Variants in THSD7B observed in about 807,000 individuals in gnomAD.
THSD7B encodes thrombospondin type 1 domain containing 7B.
A neutral mutation model predicts 213.6 loss-of-function variants in THSD7B; 138 were observed. The ratio of observed to expected loss-of-function variants is 0.65; its 90% CI spans 0.56 to 0.74. The LOEUF (loss-of-function observed/expected upper bound fraction) is 0.74. Ranked by LOEUF, THSD7B falls within the 30% of genes least tolerant of loss-of-function variation. THSD7B has a pLI of 0.00. For missense variants in THSD7B, 1,931 were observed against 1,991.5 expected (o/e 0.97, Z 0.58); for synonymous variants, 742 against 687.0 (o/e 1.08, Z -1.25).
At chr2:137,074,909 T>C (rs1011133438) in intron 3 of THSD7B, among the ~76,000 whole-genome samples, 21 of 152,242 alleles carry the variant, frequency 1.4e-4, no homozygotes, top group African/African-American at 4.8e-4. Flanking sequence ...TGTTAAATAT[T>C]GGCCCCCACT....
chr2:137,430,815 A>G lies in THSD7B; in HGVS notation c.2959+18943A>G, dbSNP rs1175775808. Among the ~76,000 whole-genome samples, 5 of 152,280 alleles carry G rather than the reference A, an allele frequency of 3.3e-5. No individual in the cohort carries two copies. The East Asian group carries it at 9.7e-4, about 29-fold the overall frequency. ...GAGTGTGAGACAAGTCAGCAACCAT[A>G]GGGATGGGGAGGGAAGACACTGACC... On this transcript the variant is annotated intron_variant, in intron 14 of 27. Coordinates refer to ENST00000409968, the MANE Select transcript of THSD7B (RefSeq NM_001316349.2).
At chr2:137,223,491 C>A (rs1050059035) in intron 7 of THSD7B, among the ~76,000 whole-genome samples, 3 of 152,052 alleles carry the variant, frequency 2.0e-5, no homozygotes, top group African/African-American at 4.8e-5. Flanking sequence ...TTTTACCATC[C>A]AGTGCTAAGT....
At chr2:137,169,402 G>T (rs1481768073) in intron 6 of THSD7B, among the ~76,000 whole-genome samples, 1 of 151,494 alleles carries the variant, frequency 6.6e-6, no homozygotes, top group African/African-American at 2.4e-5. Flanking sequence ...TTTAAGAGAG[G>T]TTGGTCTTTC....
intron 1 of THSD7B, among the ~76,000 whole-genome samples, chr2:136,869,802 G>A (rs1407790966): frequency 1.3e-5 from 2 of 152,188 alleles, no homozygotes; most frequent in South Asian, 2.1e-4. Context: ...GGCTGGGCAC[G>A]GTGGCTCACG....
intron 14 of THSD7B, among the ~76,000 whole-genome samples, chr2:137,425,472 C>T (rs1573618332): frequency 6.6e-6 from 1 of 152,174 alleles, no homozygotes; most frequent in African/African-American, 2.4e-5. Context: ...CCACCTCAGC[C>T]TCCCAAAGTG....
chr2:137,304,508 A>C (rs989145817), intron 12 of THSD7B, among the ~76,000 whole-genome samples: 10 of 152,128 alleles, frequency 6.6e-5, no homozygotes, highest in Non-Finnish European at 1.2e-4. Context: ...TTAGTGAAAA[A>C]AGACTTTTAA....
intron 17 of THSD7B, among the ~76,000 whole-genome samples, chr2:137,594,892 A>C (rs1262285093): frequency 6.6e-6 from 1 of 151,952 alleles, no homozygotes; most frequent in African/African-American, 2.4e-5. Context: ...TATTTCAACA[A>C]TGTTTGATAG....
chr2:136,880,470 C>G (rs1683600053), intron 1 of THSD7B, among the ~76,000 whole-genome samples: 1 of 152,152 alleles, frequency 6.6e-6, no homozygotes. Context: ...CTTCACTCCA[C>G]TACAGTTTTC....
At chr2:137,210,482 C>T (rs1189949185) in intron 7 of THSD7B, among the ~76,000 whole-genome samples, 2 of 151,982 alleles carry the variant, frequency 1.3e-5, no homozygotes, top group South Asian at 2.1e-4. Flanking sequence ...TTGAAGTATT[C>T]GTTCTTACAG....
chr2:137,084,535 A>T (rs1235275557), intron 3 of THSD7B, among the ~76,000 whole-genome samples: 2 of 152,160 alleles, frequency 1.3e-5, no homozygotes, highest in Non-Finnish European at 2.9e-5. Context: ...TCTTCTTTGC[A>T]GTATATTTGA....
chr2:137,094,438 G>A (rs1239604115), intron 3 of THSD7B, among the ~76,000 whole-genome samples: 1 of 152,124 alleles, frequency 6.6e-6, no homozygotes, highest in Non-Finnish European at 1.5e-5. Context: ...GGGCATGGTG[G>A]TGTGTTTCTG....
At chr2:137,325,423 T>C (rs1212394962) in intron 12 of THSD7B, among the ~76,000 whole-genome samples, 3 of 152,184 alleles carry the variant, frequency 2.0e-5, no homozygotes, top group Non-Finnish European at 4.4e-5. Flanking sequence ...ACAGGAAACC[T>C]GGTGGTGGGC....
intron 2 of THSD7B, among the ~76,000 whole-genome samples, chr2:136,972,667 T>C (rs1685422423): frequency 6.6e-6 from 1 of 152,176 alleles, no homozygotes; most frequent in Admixed American, 6.6e-5. Context: ...TAATATACTT[T>C]AGACACACTT....
intron 15 of THSD7B, among the ~76,000 whole-genome samples, chr2:137,467,422 G>A (rs1229750767): frequency 1.3e-5 from 2 of 152,052 alleles, no homozygotes; most frequent in African/African-American, 4.8e-5. Context: ...GTAGGTCTGG[G>A]GAAAGGAGAT....
At chr2:137,438,639 A>G (rs1358027483) in intron 14 of THSD7B, among the ~76,000 whole-genome samples, 1 of 152,016 alleles carries the variant, frequency 6.6e-6, no homozygotes, top group Non-Finnish European at 1.5e-5. Flanking sequence ...TGAAGCTTAG[A>G]GGATTTAGGC....
chr2:136,779,198 ATGTG>A (rs199689020), intron 1 of THSD7B, among the ~76,000 whole-genome samples: 1,511 of 55,030 alleles, frequency 0.027, 30 homozygotes, highest in African/African-American at 0.1. Flanking sequence ...ATATATATAT[ATGTG>A]TGTGTGTGTG....
chr2:137,602,517 C>T (rs1682094500), intron 17 of THSD7B, among the ~76,000 whole-genome samples: 1 of 152,132 alleles, frequency 6.6e-6, no homozygotes, highest in South Asian at 2.1e-4. Flanking sequence ...ATCCACCCAC[C>T]TTCGCCTCCC....
At chr2:137,251,486 A>G (rs529723145) in intron 10 of THSD7B, among the ~76,000 whole-genome samples, 1 of 152,322 alleles carries the variant, frequency 6.6e-6, no homozygotes, top group South Asian at 2.1e-4. Context: ...CGTGCTTCAA[A>G]GTCACCAACT....
At chr2:137,523,023 G>A (rs1309885091) in intron 15 of THSD7B, among the ~76,000 whole-genome samples, 1 of 152,166 alleles carries the variant, frequency 6.6e-6, no homozygotes, top group East Asian at 1.9e-4. Flanking sequence ...CTTGAAGATT[G>A]TTATTGACGT....
Sources: allele counts gnomAD v4.1 joint callset (sites outside exome capture counted in the v4.1 genomes callset), GRCh38; gene constraint gnomAD v4.1.1; transcripts MANE v1.5; gene names NCBI Gene and HGNC (gene_info 2026-07-23, HGNC 2026-07-21).